CYB5R4: variants seen among roughly 807,000 people sequenced by gnomAD.
CYB5R4 encodes cytochrome b5 reductase 4.
CYB5R4 carries 55 observed loss-of-function variants against 70.2 expected under a neutral mutation model. The observed-to-expected ratio is 0.78, with a 90% CI of 0.63 to 0.98. The LOEUF (loss-of-function observed/expected upper bound fraction) is 0.98. Among genes scored for constraint, CYB5R4 ranks in the 50% least tolerant of loss-of-function variants. The pLI is 0.00. For missense variants in CYB5R4, 562 were observed against 612.6 expected, an observed-to-expected ratio of 0.92 and a Z score of 0.87; for synonymous variants, 197 against 199.5, an observed-to-expected ratio of 0.99 and a Z score of 0.11.
In CYB5R4 at chr6:83,940,231, G is replaced by A. The variant is rs367762992; in HGVS notation, c.1259+25G>A. The stretch of plus-strand genomic sequence containing the variant: ...GGTATGTAATTTTGTCTCTAATTAC[G>A]ATCCTTTTTGAGGCTGTTATATTAG... On this transcript the variant is annotated intron_variant, in intron 13 of 15. Transcript: ENST00000369681. 73 of 1,575,912 alleles carry A rather than the reference G, an allele frequency of 4.6e-5. No individual in the cohort carries two copies. In the South Asian group the frequency reaches 6.0e-4, roughly 13 times the overall value.
intron 14 of CYB5R4, among the ~76,000 whole-genome samples, chr6:83,941,257 G>T (rs959033471): frequency 6.6e-6 from 1 of 152,104 alleles, no homozygotes; most frequent in Non-Finnish European, 1.5e-5. Context: ...GCTCAGCCCA[G>T]TAAACTAAAA....
At chr6:83,860,106 C>G (rs1273897445) in intron 1 of CYB5R4, among the ~76,000 whole-genome samples, 3 of 152,078 alleles carry the variant, frequency 2.0e-5, no homozygotes, top group Non-Finnish European at 4.4e-5. Context: ...TCCCTTCCTC[C>G]AAGTCCTTTC....
intron 2 of CYB5R4, 70 bp from the exon 3 acceptor site, chr6:83,893,452 C>A: frequency 1.1e-6 from 1 of 878,522 alleles, no homozygotes; most frequent in Non-Finnish European, 1.8e-6. Flanking sequence ...TTTATTGAAA[C>A]TTATATTTAT....
intron 14 of CYB5R4, among the ~76,000 whole-genome samples, chr6:83,949,876 T>A (rs1396480233): frequency 2.6e-5 from 4 of 152,196 alleles, no homozygotes; most frequent in Non-Finnish European, 5.9e-5. Flanking sequence ...CACAGAATCA[T>A]TTGGACATGG....
intron 14 of CYB5R4, among the ~76,000 whole-genome samples, chr6:83,943,050 A>G (rs1284317556): frequency 1.3e-5 from 2 of 152,140 alleles, no homozygotes; most frequent in African/African-American, 2.4e-5. Context: ...GCAGACTTAA[A>G]TATTCCTGCT....
intron 4 of CYB5R4, among the ~76,000 whole-genome samples, chr6:83,913,860 C>T (rs888251276): frequency 6.6e-6 from 1 of 151,998 alleles, no homozygotes; most frequent in Non-Finnish European, 1.5e-5. Flanking sequence ...GGCCGCCATC[C>T]TGAAAGAAAA....
intron 7 of CYB5R4, among the ~76,000 whole-genome samples, chr6:83,920,844 G>A (rs2099466261): frequency 6.6e-6 from 1 of 152,134 alleles, no homozygotes; most frequent in Admixed American, 6.6e-5. Context: ...AGAGCTTAGA[G>A]ATTAGTGGAT....
intron 12 of CYB5R4, among the ~76,000 whole-genome samples, chr6:83,938,466 A>T (rs2099469265): frequency 6.6e-6 from 1 of 152,214 alleles, no homozygotes; most frequent in African/African-American, 2.4e-5. Flanking sequence ...TCTTTGTTTC[A>T]ATCCCGTGTT....
chr6:83,924,011 A>G (rs1324818562), intron 9 of CYB5R4, among the ~76,000 whole-genome samples: 1 of 142,706 alleles, frequency 7.0e-6, no homozygotes, highest in Non-Finnish European at 1.5e-5. Flanking sequence ...CGGAGCTTGC[A>G]GTGAGCCAAG....
intron 12 of CYB5R4, among the ~76,000 whole-genome samples, chr6:83,938,366 A>T (rs1339303378): frequency 6.6e-6 from 1 of 152,218 alleles, no homozygotes; most frequent in African/African-American, 2.4e-5. Context: ...TATTATTTCA[A>T]CTTCATTTAG....
intron 1 of CYB5R4, among the ~76,000 whole-genome samples, chr6:83,861,046 T>A (rs2099455852): frequency 6.6e-6 from 1 of 152,254 alleles, no homozygotes; most frequent in Non-Finnish European, 1.5e-5. Context: ...ATTTTTCTCA[T>A]TGGTTTTTGA....
intron 4 of CYB5R4, chr6:83,910,209 A>T: frequency 7.1e-7 from 1 of 1,404,264 alleles, no homozygotes; most frequent in Non-Finnish European, 9.7e-7. Context: ...GCTGCCTGCC[A>T]GTTGGAAGTT....
chr6:83,931,406 G>C (rs2099468115), intron 10 of CYB5R4, among the ~76,000 whole-genome samples: 1 of 152,194 alleles, frequency 6.6e-6, no homozygotes, highest in African/African-American at 2.4e-5. Flanking sequence ...TCCTAGTGCA[G>C]TCTTCTCTTT....
At chr6:83,864,391 A>G (rs2099456436) in intron 2 of CYB5R4, 63 bp downstream of exon 2, 5 of 1,405,072 alleles carry the variant, frequency 3.6e-6, no homozygotes, top group Admixed American at 4.2e-5. Context: ...ATGATGTTAC[A>G]TAACCTCACA....
At chr6:83,887,191 G>T (rs2099460381) in intron 2 of CYB5R4, among the ~76,000 whole-genome samples, 1 of 152,088 alleles carries the variant, frequency 6.6e-6, no homozygotes, top group African/African-American at 2.4e-5. Context: ...TAAAAAAGTG[G>T]TGAGCTACTA....
Position 83,859,821 on chromosome 6 carries a change from G to A in CYB5R4, c.39G>A (p.Arg13=). ...NVPSQSFPAP[R]SQQRVASGGR... ...CTTCCCAGTCTTTCCCGGCCCCCAG[G>A]TCGCAGCAGCGTGTCGCCTCCGGGG... The change falls in exon 1 of 16, where the codon AGG becomes AGA. Residue 13 remains arginine (R), a synonymous_variant. Coordinates refer to ENST00000369681, the MANE Select transcript of CYB5R4 (RefSeq NM_016230.4). 1 of 1,613,508 alleles carries A rather than the reference G, an allele frequency of 6.2e-7. No homozygotes were observed. The highest frequency in any genetic ancestry group is 8.5e-7 in the Non-Finnish European group (1 of 1,179,864).
chr6:83,894,993 C>T (rs576018148), intron 3 of CYB5R4, among the ~76,000 whole-genome samples: 1 of 152,264 alleles, frequency 6.6e-6, no homozygotes, highest in South Asian at 2.1e-4. Context: ...CACTTAGGTG[C>T]ATTTGCTTAA....
chr6:83,957,080 T>C (rs2099472539), intron 15 of CYB5R4, among the ~76,000 whole-genome samples: 1 of 151,940 alleles, frequency 6.6e-6, no homozygotes, highest in Non-Finnish European at 1.5e-5. Flanking sequence ...TCTATTTTAA[T>C]GCTTTAAGAA....
At chr6:83,917,444 G>T (rs1403964551) in intron 5 of CYB5R4, among the ~76,000 whole-genome samples, 1 of 152,066 alleles carries the variant, frequency 6.6e-6, no homozygotes, top group Admixed American at 6.5e-5. Flanking sequence ...TCAACACTGT[G>T]TATAATAACT....
Sources: gnomAD v4.1 joint callset for allele counts (sites outside exome capture counted in the v4.1 genomes callset) on GRCh38, gnomAD v4.1.1 for gene constraint, MANE v1.5 for transcripts, NCBI Gene and HGNC (gene_info 2026-07-23, HGNC 2026-07-21) for gene names.